DLG2: variants seen among roughly 807,000 people sequenced by gnomAD.
The protein encoded by DLG2 is disks large homolog 2.
A neutral mutation model predicts 132.5 loss-of-function variants in DLG2; 45 were observed. That is an observed-to-expected ratio of 0.34 (90% CI 0.27 to 0.44). The LOEUF is 0.44. Ranked by LOEUF, DLG2 falls within the 20% of genes least tolerant of loss-of-function variation. The pLI is 1.00. For missense variants in DLG2, 1,045 were observed against 1,196.9 expected, an observed-to-expected ratio of 0.87 and a Z score of 1.87; for synonymous variants, 424 against 419.6, an observed-to-expected ratio of 1.01 and a Z score of -0.13.
intron 4 of DLG2, among the ~76,000 whole-genome samples, chr11:85,233,662 C>G (rs72947961): frequency 0.067 from 10,085 of 150,744 alleles, 381 homozygotes; most frequent in East Asian, 0.097. Flanking sequence ...AAGCCAAACT[C>G]TGCTGTGCCT....
At chr11:84,922,998 G>C in intron 6 of DLG2, 1 of 1,569,492 alleles carries the variant, frequency 6.4e-7, no homozygotes, top group East Asian at 2.2e-5. Context: ...GAAAAGTCCT[G>C]AAGCTACACA....
intron 4 of DLG2, among the ~76,000 whole-genome samples, chr11:85,173,645 A>C (rs138501087): frequency 1.3e-5 from 2 of 152,296 alleles, no homozygotes; most frequent in East Asian, 3.9e-4. Flanking sequence ...CTTAAAAATA[A>C]ATGGGCTAAA....
intron 11 of DLG2, among the ~76,000 whole-genome samples, chr11:84,017,765 C>G (rs925904885): frequency 6.6e-6 from 1 of 151,960 alleles, no homozygotes; most frequent in Non-Finnish European, 1.5e-5. Flanking sequence ...GAAAATAAAG[C>G]TCATAACAAT....
rs1478326857 is a variant in DLG2, at chr11:84,365,428, G to T, written c.520-114137C>A. ...TTTTTTTTAATTAGTCTTGCTAGCG[G>T]TCTATCAATTTTGTTGATCTTTTCA... On this transcript the variant is annotated intron_variant, in intron 7 of 27. Transcript: ENST00000376104. 2.0e-5 allele frequency among the ~76,000 whole-genome samples: 3 copies of T among 151,866 alleles called. No homozygotes were observed. The East Asian group carries it at 5.8e-4, about 29-fold the overall frequency.
intron 15 of DLG2, among the ~76,000 whole-genome samples, chr11:83,876,150 A>G (rs1337331888): frequency 1.3e-5 from 2 of 152,192 alleles, no homozygotes; most frequent in African/African-American, 4.8e-5. Flanking sequence ...TCAGCTTCTC[A>G]TCTTATAAGA....
chr11:84,911,384 T>A (rs945325956), intron 6 of DLG2, among the ~76,000 whole-genome samples: 10 of 151,954 alleles, frequency 6.6e-5, no homozygotes, highest in Admixed American at 5.2e-4. Context: ...CTTAATTATA[T>A]CCCATTAAAT....
At chr11:84,958,244 A>G (rs1373315309) in intron 6 of DLG2, among the ~76,000 whole-genome samples, 2 of 152,238 alleles carry the variant, frequency 1.3e-5, no homozygotes, top group Admixed American at 1.3e-4. Flanking sequence ...GGCAAATTCC[A>G]GTTCTCTATT....
intron 6 of DLG2, among the ~76,000 whole-genome samples, chr11:84,745,419 C>G (rs1462022937): frequency 1.3e-5 from 2 of 152,196 alleles, no homozygotes; most frequent in African/African-American, 4.8e-5. Context: ...GTCTGTTCCC[C>G]TTTCACCTCC....
chr11:84,752,799 A>G (rs1221538401), intron 6 of DLG2, among the ~76,000 whole-genome samples: 4 of 132,554 alleles, frequency 3.0e-5, no homozygotes, highest in African/African-American at 1.1e-4. Flanking sequence ...ATTCCCACCT[A>G]TGAGTGAGAA....
intron 6 of DLG2, among the ~76,000 whole-genome samples, chr11:84,814,961 G>A (rs1019946649): frequency 1.3e-5 from 2 of 152,036 alleles, no homozygotes; most frequent in East Asian, 3.9e-4. Flanking sequence ...CTGCTTTCTG[G>A]GAGACATGTA....
intron 6 of DLG2, among the ~76,000 whole-genome samples, chr11:84,957,893 T>G (rs768225964): frequency 1.3e-5 from 2 of 152,160 alleles, no homozygotes; most frequent in Non-Finnish European, 2.9e-5. Flanking sequence ...GTTTGGTGCC[T>G]TAGTTTCCTA....
intron 6 of DLG2, among the ~76,000 whole-genome samples, chr11:84,754,480 TG>T (rs149691672): frequency 0.01 from 1,524 of 152,280 alleles, 29 homozygotes; most frequent in African/African-American, 0.035. Context: ...TATTGTGCAT[TG>T]GGGGAATCTG....
intron 6 of DLG2, among the ~76,000 whole-genome samples, chr11:85,095,840 C>T (rs1178967689): frequency 1.3e-5 from 2 of 152,196 alleles, no homozygotes; most frequent in African/African-American, 4.8e-5. Flanking sequence ...CATCTCCATG[C>T]CTTGGCATGT....
chr11:84,475,913 A>G (rs889845324), intron 7 of DLG2, among the ~76,000 whole-genome samples: 1 of 152,038 alleles, frequency 6.6e-6, no homozygotes, highest in African/African-American at 2.4e-5. Flanking sequence ...CCATTTTGCA[A>G]AAATGTGCCT....
At chr11:85,447,388 T>TTAA (rs1431574374) in intron 3 of DLG2, among the ~76,000 whole-genome samples, 3 of 152,080 alleles carry the variant, frequency 2.0e-5, no homozygotes, top group Non-Finnish European at 4.4e-5. Flanking sequence ...GGAAATCAAG[T>TTAA]TAAATGAGGT....
intron 7 of DLG2, among the ~76,000 whole-genome samples, chr11:84,412,119 T>C (rs952958644): frequency 1.3e-5 from 2 of 151,854 alleles, no homozygotes; most frequent in Non-Finnish European, 2.9e-5. Context: ...CAGATGGTAA[T>C]ACTGATAATG....
At chr11:85,535,289 T>C (rs981995702) in intron 3 of DLG2, among the ~76,000 whole-genome samples, 1 of 152,110 alleles carries the variant, frequency 6.6e-6, no homozygotes, top group South Asian at 2.1e-4. Flanking sequence ...GTAGGTATTA[T>C]AAATATTACA....
chr11:84,828,616 A>G (rs1310450136), intron 6 of DLG2, among the ~76,000 whole-genome samples: 1 of 151,822 alleles, frequency 6.6e-6, no homozygotes, highest in Non-Finnish European at 1.5e-5. Context: ...TTAATCTGCC[A>G]GTGAAGCCAA....
At chr11:84,923,413 C>T (rs146213168) in intron 6 of DLG2, 25,689 of 1,036,412 alleles carry the variant, frequency 0.025, 370 homozygotes, top group Non-Finnish European at 0.027. Context: ...CATTTTAAAT[C>T]ACTGGATTAA....
Sources: gnomAD v4.1 joint callset for allele counts (sites outside exome capture counted in the v4.1 genomes callset) on GRCh38, gnomAD v4.1.1 for gene constraint, MANE v1.5 for transcripts, NCBI Gene and HGNC (gene_info 2026-07-23, HGNC 2026-07-21) for gene names.